Variants in SKAP1 observed in about 807,000 individuals in gnomAD.
SKAP1 encodes src kinase associated phosphoprotein 1.
A neutral mutation model predicts 58.5 loss-of-function variants in SKAP1; 44 were observed. That is an observed-to-expected ratio of 0.75 (90% CI 0.59 to 0.97). The LOEUF (loss-of-function observed/expected upper bound fraction) is 0.97. SKAP1 is among the 50% of genes least tolerant of loss of function. The probability of loss-of-function intolerance (pLI) is 0.00; values close to 1 mark genes in which losing one functional copy is unlikely to be tolerated. For synonymous variants in SKAP1, 127 were observed against 149.7 expected (o/e 0.85, Z 1.11); for missense variants, 390 against 435.2 (o/e 0.90, Z 0.92).
chr17:48,141,377 T>TTTGTTG, intron 11 of SKAP1, among the ~76,000 whole-genome samples: 1 of 150,794 alleles, frequency 6.6e-6, no homozygotes. Flanking sequence ...TTAACTGGTT[T>TTTGTTG]TTGTTTTTGT....
chr17:48,384,837 T>C (rs917863545), intron 2 of SKAP1, among the ~76,000 whole-genome samples: 1 of 152,086 alleles, frequency 6.6e-6, no homozygotes, highest in African/African-American at 2.4e-5. Flanking sequence ...TCTGGTGCCT[T>C]GGAGGGAGAA....
At chr17:48,336,882 T>C (rs1056908249) in intron 4 of SKAP1, among the ~76,000 whole-genome samples, 1 of 152,218 alleles carries the variant, frequency 6.6e-6, no homozygotes, top group Non-Finnish European at 1.5e-5. Context: ...TAATTCTAGT[T>C]AACCCTATGT....
intron 1 of SKAP1, among the ~76,000 whole-genome samples, chr17:48,420,638 C>G (rs760537111): frequency 6.6e-6 from 1 of 152,132 alleles, no homozygotes; most frequent in Non-Finnish European, 1.5e-5. Context: ...ATTTGCATGA[C>G]TGTAATGTAA....
intron 4 of SKAP1, among the ~76,000 whole-genome samples, chr17:48,314,000 C>G (rs1197622647): frequency 3.9e-5 from 6 of 152,096 alleles, no homozygotes; most frequent in African/African-American, 7.2e-5. Context: ...TTGATGGAAA[C>G]TTTATGAGTT....
chr17:48,155,511 G>A (rs1217561705), intron 11 of SKAP1, among the ~76,000 whole-genome samples: 2 of 152,134 alleles, frequency 1.3e-5, no homozygotes. Flanking sequence ...TAGGACTTGT[G>A]ACTTGTCTTA....
chr17:48,382,181 TAAAA>T (rs11285092), intron 2 of SKAP1, among the ~76,000 whole-genome samples: 1 of 137,536 alleles, frequency 7.3e-6, no homozygotes, highest in African/African-American at 2.7e-5. Context: ...CTATTATTCT[TAAAA>T]AAAAAAAAAA....
intron 3 of SKAP1, among the ~76,000 whole-genome samples, chr17:48,348,620 G>A (rs532358327): frequency 1.3e-5 from 2 of 152,198 alleles, no homozygotes; most frequent in Admixed American, 6.5e-5. Flanking sequence ...CTAAACTACA[G>A]ACTCTATTTG....
chr17:48,299,480 G>A (rs1293307095), intron 4 of SKAP1, among the ~76,000 whole-genome samples: 1 of 152,158 alleles, frequency 6.6e-6, no homozygotes, highest in Non-Finnish European at 1.5e-5. Context: ...CTGTCACTCT[G>A]TGGCACATTA....
chr17:48,239,211 G>A (rs892860070), intron 4 of SKAP1, among the ~76,000 whole-genome samples: 37 of 152,078 alleles, frequency 2.4e-4, no homozygotes, highest in African/African-American at 6.8e-4. Flanking sequence ...TTCACATTCC[G>A]CACCACCACC....
At chr17:48,156,916 T>C (rs957155427) in intron 11 of SKAP1, among the ~76,000 whole-genome samples, 2 of 152,238 alleles carry the variant, frequency 1.3e-5, no homozygotes, top group African/African-American at 2.4e-5. Flanking sequence ...ACTTTTGTGC[T>C]GTAGATCATC....
chr17:48,412,948 G>A (rs117033727), intron 1 of SKAP1, among the ~76,000 whole-genome samples: 1 of 151,488 alleles, frequency 6.6e-6, no homozygotes, highest in East Asian at 1.9e-4. Flanking sequence ...CACTACTCAG[G>A]GGAATAAAAG....
chr17:48,403,432 C>CAT (rs749555162), intron 1 of SKAP1, among the ~76,000 whole-genome samples: 87 of 150,728 alleles, frequency 5.8e-4, no homozygotes, highest in South Asian at 4.0e-3. Context: ...AATATATATA[C>CAT]ATATATATAT....
intron 4 of SKAP1, among the ~76,000 whole-genome samples, chr17:48,344,687 C>T (rs577938355): frequency 6.6e-6 from 1 of 152,252 alleles, no homozygotes; most frequent in Non-Finnish European, 1.5e-5. Flanking sequence ...TGAATCAATA[C>T]ACAGATCCTA....
chr17:48,269,831 C>T (rs568165237), intron 4 of SKAP1, among the ~76,000 whole-genome samples: 1 of 152,112 alleles, frequency 6.6e-6, no homozygotes, highest in South Asian at 2.1e-4. Context: ...CGGTGGCTCA[C>T]GCTTGTAATC....
chr17:48,274,871 C>T (rs1458271039), intron 4 of SKAP1, among the ~76,000 whole-genome samples: 1 of 151,962 alleles, frequency 6.6e-6, no homozygotes, highest in Non-Finnish European at 1.5e-5. Context: ...TCTTTTCTTC[C>T]CTCTTCCAGT....
At chr17:48,226,469 T>A (rs887729457) in intron 4 of SKAP1, among the ~76,000 whole-genome samples, 3 of 152,156 alleles carry the variant, frequency 2.0e-5, no homozygotes, top group Admixed American at 1.3e-4. Flanking sequence ...GATCAGAAAT[T>A]CCCAAAGTGG....
intron 2 of SKAP1, among the ~76,000 whole-genome samples, 181 bp from the exon 3 acceptor site, chr17:48,363,995 G>A (rs2066970095): frequency 6.6e-6 from 1 of 152,154 alleles, no homozygotes; most frequent in African/African-American, 2.4e-5. Flanking sequence ...GAGTCTCAAT[G>A]GCTTAAAAGA....
chr17:48,150,460 C>T (rs999692728), intron 11 of SKAP1, among the ~76,000 whole-genome samples: 2 of 152,202 alleles, frequency 1.3e-5, no homozygotes, highest in African/African-American at 2.4e-5. Context: ...TTTCAAAAGG[C>T]ATTGCTTTGT....
chr17:48,439,888 T>G, the SKAP1 span, among the ~76,000 whole-genome samples: 1 of 152,160 alleles, frequency 6.6e-6, no homozygotes, highest in Non-Finnish European at 1.5e-5. Context: ...TTACTGCCCT[T>G]CATCTGCTAT....
Sources: allele counts gnomAD v4.1 joint callset (sites outside exome capture counted in the v4.1 genomes callset), GRCh38; gene constraint gnomAD v4.1.1; transcripts MANE v1.5; gene names NCBI Gene and HGNC (gene_info 2026-07-23, HGNC 2026-07-21).